Variants in TOM1L2 observed in about 807,000 individuals in gnomAD.
The protein encoded by TOM1L2 is TOM1-like protein 2.
A neutral mutation model predicts 67.9 loss-of-function variants in TOM1L2; 31 were observed. The observed-to-expected ratio is 0.46, with a 90% CI of 0.34 to 0.62. TOM1L2 has a LOEUF of 0.62. TOM1L2 is among the 20% of genes least tolerant of loss of function. The pLI, the probability that TOM1L2 is intolerant of heterozygous loss-of-function variation, is 0.01. For synonymous variants in TOM1L2, 256 were observed against 254.0 expected (o/e 1.01, Z -0.07); for missense variants, 606 against 663.5 (o/e 0.91, Z 0.95).
chr17:17,964,379 A>G (rs1362426055), intron 1 of TOM1L2, among the ~76,000 whole-genome samples: 11 of 152,350 alleles, frequency 7.2e-5, no homozygotes. Context: ...AAGTAAATAA[A>G]TAAATAAATG....
intron 1 of TOM1L2, among the ~76,000 whole-genome samples, chr17:17,950,726 G>A (rs2144892360): frequency 6.6e-6 from 1 of 152,262 alleles, no homozygotes; most frequent in East Asian, 1.9e-4. Context: ...TTTCAATTGA[G>A]AGTGATAGAA....
At chr17:17,952,935 A>G (rs1017092047) in intron 1 of TOM1L2, among the ~76,000 whole-genome samples, 2 of 152,142 alleles carry the variant, frequency 1.3e-5, no homozygotes, top group African/African-American at 4.8e-5. Context: ...GAAGGTTGAA[A>G]AGGTGTATAC....
rs2035641176 is a variant in TOM1L2, at chr17:17,846,302, A to T, written c.*1333T>A. 1 of 152,418 alleles carries T rather than the reference A, an allele frequency of 6.6e-6. No individual in the cohort carries two copies. Among genetic ancestry groups the T allele is most frequent in the Non-Finnish European group, 1.5e-5 (1 of 68,176 alleles). 9.4% of individuals were successfully genotyped at this position (152,418 alleles called of 1,614,324 possible). A position where few individuals can be genotyped will look rare whatever the true frequency, so the allele number is the denominator to read the frequency against. On this transcript the variant is annotated 3_prime_UTR_variant, in exon 15 of 15. Transcript: ENST00000379504. The stretch of plus-strand genomic sequence containing the variant: ...TGACCCAGCGAGCTGGGCCCAAGAC[A>T]CACGGGGATGCATACAGCTGCAGTA...
chr17:17,847,726 G>A lies in TOM1L2; in HGVS notation c.1433C>T (p.Pro478Leu), dbSNP rs768807403. Residue 478 changes from proline to leucine, a missense_variant, in exon 15 of 15, where the codon CCC becomes CTC. By Grantham distance (98) the Pro-to-Leu change is moderately conservative. Coordinates refer to ENST00000379504, the MANE Select transcript of TOM1L2 (RefSeq NM_001082968.2). ...AKAAEMVPDLPSPPMEAPAPA... is the reference protein window; with the variant it reads ...AKAAEMVPDLLSPPMEAPAPA... ...GGCAGGAGCCTCCATGGGGGGCGAG[G>A]GGAGGTCGGGAACCATTTCAGCAGC... is the stretch of plus-strand genomic sequence containing the variant. The A allele has an allele frequency of 1.9e-6, 3 of 1,614,068 alleles. No homozygotes were observed. The highest frequency in any genetic ancestry group is 2.5e-6 in the Non-Finnish European group (3 of 1,180,004).
Position 17,900,086 on chromosome 17 carries a change from G to T in TOM1L2, c.138-1412C>A, listed in dbSNP as rs138737113. 8.8e-3 allele frequency among the ~76,000 whole-genome samples: 1,342 copies of T among 151,956 alleles called. 27 individuals carry two copies. The highest frequency in any genetic ancestry group is 0.03 in the African/African-American group (1,242 of 41,398). ...AAATTAGCTGGGTGTGGTGGCAGCT[G>T]CCTGTAATCCTAGCTGCTCGGGAGG... is the stretch of plus-strand genomic sequence containing the variant. On this transcript the variant is annotated intron_variant, in intron 2 of 14. Coordinates refer to ENST00000379504, the MANE Select transcript of TOM1L2 (RefSeq NM_001082968.2).
intron 2 of TOM1L2, among the ~76,000 whole-genome samples, chr17:17,904,505 C>A (rs2038999352): frequency 6.6e-6 from 1 of 152,128 alleles, no homozygotes; most frequent in Non-Finnish European, 1.5e-5. Flanking sequence ...CAAAGTGGAG[C>A]TGCCGAGGGG....
At chr17:17,880,620 G>T (rs1247603066) in intron 6 of TOM1L2, among the ~76,000 whole-genome samples, 1 of 152,142 alleles carries the variant, frequency 6.6e-6, no homozygotes, top group Non-Finnish European at 1.5e-5. Context: ...AAATAACGCT[G>T]GACAGAGGTC....
At chr17:17,954,035 AT>A (rs1406754418) in intron 1 of TOM1L2, among the ~76,000 whole-genome samples, 3 of 152,252 alleles carry the variant, frequency 2.0e-5, no homozygotes, top group African/African-American at 7.2e-5. Context: ...TAGTCAGATA[AT>A]TATTAAATAC....
chr17:17,919,119 G>A (rs575486968), intron 1 of TOM1L2, among the ~76,000 whole-genome samples: 3 of 152,270 alleles, frequency 2.0e-5, no homozygotes, highest in East Asian at 3.9e-4. Flanking sequence ...CAATTACTGT[G>A]TGACTACAGG....
chr17:17,959,242 GGGCA>G, intron 1 of TOM1L2, among the ~76,000 whole-genome samples: 1 of 152,180 alleles, frequency 6.6e-6, no homozygotes, highest in Non-Finnish European at 1.5e-5. Context: ...TGTGAAGTGG[GGGCA>G]GTCTTGTGGG....
chr17:17,893,512 AT>A lies in TOM1L2; in HGVS notation c.366+148del, dbSNP rs141184752. ...AGAATTTCATTCCAGTGGGATGAGAATTTTTTTTGAAGTATTTTGCACCAAA... is the reference window on the plus strand; with the variant it reads ...AGAATTTCATTCCAGTGGGATGAGAATTTTTTTGAAGTATTTTGCACCAAA... On this transcript the variant is annotated intron_variant, in intron 4 of 14. Transcript: ENST00000379504. The A allele has an allele frequency of 8.7e-3, 6,811 of 786,174 alleles. 214 individuals carry two copies. Among genetic ancestry groups the A allele is most frequent in the African/African-American group, 0.08 (4,433 of 55,590 alleles). 48.7% of individuals were successfully genotyped at this position (786,174 alleles called of 1,614,324 possible).
At chr17:17,968,824 C>T (rs1185044300) in intron 1 of TOM1L2, among the ~76,000 whole-genome samples, 1 of 152,138 alleles carries the variant, frequency 6.6e-6, no homozygotes, top group Non-Finnish European at 1.5e-5. Context: ...CTGCCTCATT[C>T]AGCTGTCCCT....
chr17:17,894,690 G>A (rs1377800101), intron 3 of TOM1L2, among the ~76,000 whole-genome samples: 2 of 152,214 alleles, frequency 1.3e-5, no homozygotes, highest in African/African-American at 4.8e-5. Context: ...CAGCACTTTG[G>A]GAGGCCGAGG....
intron 12 of TOM1L2, among the ~76,000 whole-genome samples, chr17:17,857,102 A>AT (rs1223822378): frequency 6.6e-6 from 1 of 152,074 alleles, no homozygotes; most frequent in Non-Finnish European, 1.5e-5. Context: ...TTACAGGCAC[A>AT]TGCCACCACA....
In TOM1L2 at chr17:17,869,384, C is replaced by T; in HGVS notation, c.867G>A (p.Leu289=). ...CGTTGTTGAGGTCATCGTTCACATGCAGCAGCTCCTCGGTGACCTCCTCAT... is the reference window on the plus strand; with the variant it reads ...CGTTGTTGAGGTCATCGTTCACATGTAGCAGCTCCTCGGTGACCTCCTCAT... ...VSNEEVTEEL[L]HVNDDLNNVF... is the part of the protein sequence containing the mutation. Residue 289 remains leucine (L), a synonymous_variant, in exon 8 of 15, where the codon CTG becomes CTA. Coordinates refer to ENST00000379504, the MANE Select transcript of TOM1L2 (RefSeq NM_001082968.2). 1.2e-6 allele frequency: 2 copies of T among 1,613,262 alleles called. No homozygotes were observed. Among genetic ancestry groups the T allele is most frequent in the Non-Finnish European group, 1.7e-6 (2 of 1,179,998 alleles).
intron 1 of TOM1L2, among the ~76,000 whole-genome samples, chr17:17,910,594 G>GA (rs1254006286): frequency 6.6e-6 from 1 of 152,032 alleles, no homozygotes; most frequent in Admixed American, 6.5e-5. Context: ...ATGTGAGACA[G>GA]AGTCTCACTC....
rs2037051390 is a variant in TOM1L2 at position 17,869,654 on chromosome 17, C to T, written c.778-181G>A. On this transcript the variant is annotated intron_variant, in intron 7 of 14. Transcript: ENST00000379504. ...CCTCTTCACTGCCTGCCCCTCCTTCCGCAGAGGAAACAAGTACTTTTTCAG... is the reference window on the plus strand; with the variant it reads ...CCTCTTCACTGCCTGCCCCTCCTTCTGCAGAGGAAACAAGTACTTTTTCAG... 7.2e-6 allele frequency: 10 copies of T among 1,383,126 alleles called. No homozygotes were observed. The South Asian group carries it at 7.3e-5, about 10-fold the overall frequency. 85.7% of individuals were successfully genotyped at this position (1,383,126 alleles called of 1,614,324 possible). A position where few individuals can be genotyped will look rare whatever the true frequency, so the allele number is the denominator to read the frequency against.
At chr17:17,910,389 G>C (rs1432119472) in intron 1 of TOM1L2, among the ~76,000 whole-genome samples, 1 of 152,134 alleles carries the variant, frequency 6.6e-6, no homozygotes, top group Non-Finnish European at 1.5e-5. Context: ...GTAGTGCAAT[G>C]CATTTACATC....
intron 1 of TOM1L2, among the ~76,000 whole-genome samples, chr17:17,926,412 A>T (rs1379753119): frequency 6.6e-6 from 1 of 152,174 alleles, no homozygotes; most frequent in Non-Finnish European, 1.5e-5. Context: ...CTGGACTGGC[A>T]CAAGGGGAGA....
Sources: gnomAD v4.1 joint callset for allele counts (sites outside exome capture counted in the v4.1 genomes callset) on GRCh38, gnomAD v4.1.1 for gene constraint, MANE v1.5 for transcripts, NCBI Gene and HGNC (gene_info 2026-07-23, HGNC 2026-07-21) for gene names.